The following ZFAND3 variants were observed in gnomAD, a reference collection of about 807,000 sequenced individuals.
The protein encoded by ZFAND3 is zinc finger AN1-type containing 3, also known as AN1-type zinc finger protein 3.
ZFAND3 carries 10 observed loss-of-function variants against 29.6 expected under a neutral mutation model. The observed-to-expected ratio is 0.34, with a 90% CI of 0.21 to 0.57. ZFAND3 has a LOEUF of 0.57. ZFAND3 is among the 20% of genes least tolerant of loss of function. The pLI is 0.86. For synonymous variants in ZFAND3, 128 were observed against 112.6 expected (o/e 1.14, Z -0.87); for missense variants, 230 against 304.5 (o/e 0.76, Z 1.82).
intron 3 of ZFAND3, among the ~76,000 whole-genome samples, chr6:38,074,644 A>T (rs769995698): frequency 1.3e-5 from 2 of 152,226 alleles, no homozygotes; most frequent in Non-Finnish European, 2.9e-5. Context: ...AGTTAACAAA[A>T]ATACCTAGCT....
intron 2 of ZFAND3, among the ~76,000 whole-genome samples, chr6:38,047,965 T>G (rs115987887): frequency 0.093 from 11,987 of 128,838 alleles, 590 homozygotes; most frequent in African/African-American, 0.16. Flanking sequence ...GGTTTTTGGG[T>G]TTTTTTTGTT....
intron 5 of ZFAND3, among the ~76,000 whole-genome samples, chr6:38,128,223 A>C (rs751316383): frequency 3.3e-5 from 5 of 152,214 alleles, no homozygotes; most frequent in Non-Finnish European, 7.3e-5. Flanking sequence ...TCCTTTCCAA[A>C]GCCTTTAATG....
In ZFAND3 at chr6:38,061,714, T is replaced by C. The variant is rs781522666; in HGVS notation, c.234T>C (p.Leu78=). 5.0e-6 allele frequency: 8 copies of C among 1,614,144 alleles called. No individual in the cohort carries two copies. Among genetic ancestry groups the C allele is most frequent in the Non-Finnish European group, 6.8e-6 (8 of 1,180,026 alleles). Residue 78 remains leucine (L), a synonymous_variant, in exon 3 of 6, where the codon CTT becomes CTC. Transcript: ENST00000287218. ...NNNTSITTPT[L]SPSQQPLPTE... ...ATACCTCGATAACCACGCCAACTCT[T>C]AGTCCCAGCCAGCAGCCGCTTCCGA...
intron 4 of ZFAND3, among the ~76,000 whole-genome samples, chr6:38,101,980 C>G (rs1765103408): frequency 6.6e-6 from 1 of 151,934 alleles, no homozygotes; most frequent in East Asian, 1.9e-4. Flanking sequence ...AAACATTTCC[C>G]CCTTACATTA....
chr6:38,119,135 G>T (rs553398213), intron 5 of ZFAND3, among the ~76,000 whole-genome samples: 22 of 152,242 alleles, frequency 1.4e-4, no homozygotes, highest in East Asian at 3.9e-4. Flanking sequence ...TGACTGAGTC[G>T]ACTGTCACCC....
chr6:38,133,243 A>T (rs145301132), intron 5 of ZFAND3, among the ~76,000 whole-genome samples: 1 of 152,192 alleles, frequency 6.6e-6, no homozygotes, highest in African/African-American at 2.4e-5. Flanking sequence ...TCTCCAGACC[A>T]TGAGCACTTA....
At chr6:37,844,783 C>T (rs1039938108) in intron 1 of ZFAND3, among the ~76,000 whole-genome samples, 1 of 150,608 alleles carries the variant, frequency 6.6e-6, no homozygotes, top group African/African-American at 2.4e-5. Context: ...GGGAGGCCGA[C>T]GTGGGCGGAT....
chr6:38,083,412 C>T (rs1170484219), intron 4 of ZFAND3, among the ~76,000 whole-genome samples: 1 of 152,056 alleles, frequency 6.6e-6, no homozygotes, highest in Non-Finnish European at 1.5e-5. Flanking sequence ...TTGGCATGTT[C>T]TTATCCCTCT....
At position 38,144,975 on chromosome 6, in the gene ZFAND3, G is replaced by T. The variant is rs544002232; in HGVS notation, c.530-7260G>T. Among the ~76,000 whole-genome samples the T allele has an allele frequency of 5.9e-4, 90 of 152,274 alleles. 1 individual carries two copies. The highest frequency in any genetic ancestry group is 3.4e-3 in the Middle Eastern group (1 of 294). ...TGTGACTTTCAGCATCACCTTCTTTGTCTCCCTCAGGAAATTCTGTGTAAA... is the reference window on the plus strand; with the variant it reads ...TGTGACTTTCAGCATCACCTTCTTTTTCTCCCTCAGGAAATTCTGTGTAAA... On this transcript the variant is annotated intron_variant, in intron 5 of 5. Transcript: ENST00000287218.
Position 37,985,527 on chromosome 6 carries a change from A to ACACACC in ZFAND3, c.112+55529_112+55530insACACCC, listed in dbSNP as rs753070737. Among the ~76,000 whole-genome samples the ACACACC allele has an allele frequency of 1.6e-3, 221 of 141,756 alleles. 1 individual carries two copies. The highest frequency in any genetic ancestry group is 7.0e-3 in the Middle Eastern group (2 of 286). 93.0% of individuals were successfully genotyped at this position (141,756 alleles called of 152,430 possible). A position where few individuals can be genotyped will look rare whatever the true frequency, so the allele number is the denominator to read the frequency against. On this transcript the variant is annotated intron_variant, in intron 2 of 5. Transcript: ENST00000287218. ...CACACACACACACACACACACACACACCCCCACACACGCCTGGTGGCACGT... is the reference window on the plus strand; with the variant it reads ...CACACACACACACACACACACACACACACACCCCCCCACACACGCCTGGTGGCACGT...
At chr6:38,147,804 G>T (rs1013949761) in intron 5 of ZFAND3, among the ~76,000 whole-genome samples, 4 of 151,980 alleles carry the variant, frequency 2.6e-5, no homozygotes, top group Non-Finnish European at 4.4e-5. Flanking sequence ...TCCTTTGCCA[G>T]TTTTTAATAG....
intron 5 of ZFAND3, among the ~76,000 whole-genome samples, chr6:38,150,487 G>C (rs909911152): frequency 6.6e-6 from 1 of 152,308 alleles, no homozygotes; most frequent in African/African-American, 2.4e-5. Flanking sequence ...CTTGAGACTG[G>C]TTAGTCCCCA....
chr6:38,056,378 C>G (rs572268306), intron 2 of ZFAND3, among the ~76,000 whole-genome samples: 2 of 152,104 alleles, frequency 1.3e-5, no homozygotes, highest in African/African-American at 4.8e-5. Flanking sequence ...GCAAAATTAC[C>G]GAAATTCTTT....
Position 37,871,057 on chromosome 6 carries a change from A to C in ZFAND3, c.71+51041A>C, listed in dbSNP as rs139375681. ...GGAAAATTTTGGTCATTATTTCTCCAAATATTTTTCTCTGCCCCATTCTCT... is the reference window on the plus strand; with the variant it reads ...GGAAAATTTTGGTCATTATTTCTCCCAATATTTTTCTCTGCCCCATTCTCT... On this transcript the variant is annotated intron_variant, in intron 1 of 5. Coordinates refer to ENST00000287218, the MANE Select transcript of ZFAND3 (RefSeq NM_021943.3). Among the ~76,000 whole-genome samples, 404 of 152,280 alleles carry C rather than the reference A, an allele frequency of 2.7e-3. 2 individuals carry two copies. Among genetic ancestry groups the C allele is most frequent in the African/African-American group, 9.4e-3 (392 of 41,548 alleles).
intron 2 of ZFAND3, among the ~76,000 whole-genome samples, chr6:37,946,532 C>A (rs1261543929): frequency 5.3e-5 from 8 of 152,136 alleles, no homozygotes; most frequent in Non-Finnish European, 1.2e-4. Context: ...TACCAGGATA[C>A]CCTTTCTCAA....
At chr6:38,142,938 AGCCCCCGTCTCCTTGTGG>A (rs1222906717) in intron 5 of ZFAND3, 6 of 152,854 alleles carry the variant, frequency 3.9e-5, no homozygotes, top group Non-Finnish European at 8.8e-5. Flanking sequence ...GCCTGCAGCC[AGCCCCCGTCTCCTTGTGG>A]GCTGGGCATT....
chr6:37,894,387 C>CTT lies in ZFAND3; in HGVS notation c.72-35562_72-35561dup, dbSNP rs34388484. ...CCTTGAAATCCTTCCTTTCCTTTCC[C>CTT]TTTTTTTTTTTAAGTCTGTTGCCCA... On this transcript the variant is annotated intron_variant, in intron 1 of 5. Transcript: ENST00000287218. Among the ~76,000 whole-genome samples the CTT allele has an allele frequency of 5.6e-3, 830 of 148,562 alleles. 5 individuals are homozygous for CTT. The highest frequency in any genetic ancestry group is 6.6e-3 in the Non-Finnish European group (442 of 66,932).
intron 2 of ZFAND3, among the ~76,000 whole-genome samples, chr6:37,988,557 T>C (rs886884851): frequency 2.6e-5 from 4 of 152,232 alleles, no homozygotes; most frequent in Admixed American, 6.5e-5. Context: ...GTTTATAAGC[T>C]TACTGTTTTT....
At chr6:37,983,788 T>C (rs1432787096) in intron 2 of ZFAND3, among the ~76,000 whole-genome samples, 1 of 152,206 alleles carries the variant, frequency 6.6e-6, no homozygotes, top group Non-Finnish European at 1.5e-5. Flanking sequence ...CTTATACAGG[T>C]TTGTAGTCCA....
Sources: allele counts gnomAD v4.1 joint callset (sites outside exome capture counted in the v4.1 genomes callset), GRCh38; gene constraint gnomAD v4.1.1; transcripts MANE v1.5; gene names NCBI Gene and HGNC (gene_info 2026-07-23, HGNC 2026-07-21).